ZNF831: variants seen among roughly 807,000 people sequenced by gnomAD.
ZNF831 encodes chromosome 20 open reading frame 174.
A neutral mutation model predicts 95.8 loss-of-function variants in ZNF831; 59 were observed. That is an observed-to-expected ratio of 0.62 (90% confidence interval 0.50 to 0.77). ZNF831 has a LOEUF of 0.77. ZNF831 is among the 30% of genes least tolerant of loss of function. The pLI is 0.00. For missense variants in ZNF831, 2,205 were observed against 2,164.0 expected, an observed-to-expected ratio of 1.02 and a Z score of -0.38; for synonymous variants, 961 against 925.5, an observed-to-expected ratio of 1.04 and a Z score of -0.70.
chr20:59,235,346 A>C (rs555024237), intron 4 of ZNF831, among the ~76,000 whole-genome samples: 1 of 152,262 alleles, frequency 6.6e-6, no homozygotes, highest in African/African-American at 2.4e-5. Flanking sequence ...TTTCTCTGCC[A>C]AAAGTATCTG....
upstream of ZNF831, among the ~76,000 whole-genome samples, chr20:59,159,428 G>A (rs1001556564): frequency 4.6e-5 from 7 of 152,170 alleles, no homozygotes; most frequent in Non-Finnish European, 7.3e-5. Flanking sequence ...AATCAAAAAC[G>A]GGGTGGATGC....
At chr20:59,123,889 C>G (rs1276588117) in intron 1 of ZNF831, among the ~76,000 whole-genome samples, 1 of 152,144 alleles carries the variant, frequency 6.6e-6, no homozygotes, top group Non-Finnish European at 1.5e-5. Context: ...AGAACATAAA[C>G]CAGATTAAGA....
At chr20:59,202,591 C>T (rs1460405822) in intron 3 of ZNF831, among the ~76,000 whole-genome samples, 11 of 152,066 alleles carry the variant, frequency 7.2e-5, no homozygotes, top group South Asian at 2.1e-4. Context: ...TTATGTTCCC[C>T]GGGCAGGTGG....
chr20:59,163,335 A>G (rs1259744471), upstream of ZNF831, among the ~76,000 whole-genome samples: 1 of 152,226 alleles, frequency 6.6e-6, no homozygotes, highest in Non-Finnish European at 1.5e-5. Context: ...TACTATGTTG[A>G]ATAGAGTGAT....
intron 4 of ZNF831, among the ~76,000 whole-genome samples, chr20:59,244,979 A>C (rs530312808): frequency 6.6e-5 from 10 of 152,328 alleles, no homozygotes; most frequent in Middle Eastern, 3.4e-3. Flanking sequence ...ATGGTTTTAT[A>C]CTTACTTATT....
chr20:59,214,794 T>C (rs1470991891), intron 4 of ZNF831, among the ~76,000 whole-genome samples: 7 of 152,236 alleles, frequency 4.6e-5, no homozygotes, highest in African/African-American at 1.2e-4. Flanking sequence ...TGATCTGAAA[T>C]GATTATTATT....
intron 4 of ZNF831, among the ~76,000 whole-genome samples, chr20:59,231,385 T>C (rs1986713892): frequency 6.6e-6 from 1 of 152,244 alleles, no homozygotes; most frequent in African/African-American, 2.4e-5. Context: ...TTTGTCTTCA[T>C]GCCAGAATGA....
intron 4 of ZNF831, among the ~76,000 whole-genome samples, chr20:59,228,183 G>A (rs545610913): frequency 2.8e-4 from 42 of 152,036 alleles, no homozygotes; most frequent in African/African-American, 8.2e-4. Context: ...AGCAAACCAC[G>A]CTAAAACTCA....
intron 2 of ZNF831, among the ~76,000 whole-genome samples, chr20:59,150,208 A>C (rs146948995): frequency 7.9e-4 from 121 of 152,282 alleles, no homozygotes; most frequent in Middle Eastern, 3.4e-3. Context: ...TCCTCTCAGC[A>C]AGTCTCAATT....
chr20:59,245,494 G>A (rs775314612), intron 4 of ZNF831, among the ~76,000 whole-genome samples: 1 of 152,104 alleles, frequency 6.6e-6, no homozygotes, highest in East Asian at 1.9e-4. Flanking sequence ...CTCAACCTGG[G>A]CACTGCTGAC....
chr20:59,242,316 A>G (rs1297474992), intron 4 of ZNF831, among the ~76,000 whole-genome samples: 1 of 152,240 alleles, frequency 6.6e-6, no homozygotes, highest in Admixed American at 6.5e-5. Context: ...ATTTCAAGAA[A>G]TGGGCTGTTG....
chr20:59,253,824 G>A lies in ZNF831; in HGVS notation c.4189-74G>A, dbSNP rs117971071. ...AAGACCTGTTTTCATTGAGGACCAC[G>A]TTTCTGACCACATTTTTCTTTGTAC... On this transcript the variant is annotated intron_variant, in intron 5 of 5. Transcript: ENST00000371030. 7,357 of 1,478,812 alleles carry A rather than the reference G, an allele frequency of 5.0e-3. 48 individuals are homozygous for A. The highest frequency in any genetic ancestry group is 5.7e-3 in the Non-Finnish European group (6,300 of 1,109,950). 91.6% of individuals were successfully genotyped at this position (1,478,812 alleles called of 1,614,324 possible). A position where few individuals can be genotyped will look rare whatever the true frequency, so the allele number is the denominator to read the frequency against.
At chr20:59,138,427 C>A (rs1161154404) in intron 1 of ZNF831, among the ~76,000 whole-genome samples, 1 of 152,170 alleles carries the variant, frequency 6.6e-6, no homozygotes, top group African/African-American at 2.4e-5. Context: ...CTTCTGCCAT[C>A]CTTCAGTCTC....
At chr20:59,172,466 G>A (rs1240860538) in intron 1 of ZNF831, among the ~76,000 whole-genome samples, 1 of 152,162 alleles carries the variant, frequency 6.6e-6, no homozygotes, top group African/African-American at 2.4e-5. Flanking sequence ...GGATGCGGAT[G>A]CTCCCCTCAT....
intron 4 of ZNF831, among the ~76,000 whole-genome samples, chr20:59,227,056 A>G (rs1331689142): frequency 2.0e-5 from 3 of 152,180 alleles, no homozygotes; most frequent in Non-Finnish European, 2.9e-5. Context: ...TTACAATAGC[A>G]TCCAGTGCTC....
chr20:59,128,942 G>T (rs1979262606), intron 1 of ZNF831, among the ~76,000 whole-genome samples: 1 of 151,942 alleles, frequency 6.6e-6, no homozygotes, highest in Non-Finnish European at 1.5e-5. Context: ...TTGTATTTTT[G>T]GTAGAGACGG....
intron 1 of ZNF831, among the ~76,000 whole-genome samples, chr20:59,172,606 C>T (rs1463358633): frequency 6.6e-6 from 1 of 152,160 alleles, no homozygotes; most frequent in Non-Finnish European, 1.5e-5. Flanking sequence ...CTTTAGAGCC[C>T]CTCCTCTGTG....
At chr20:59,163,538 T>C (rs553634165), upstream of ZNF831, among the ~76,000 whole-genome samples, 59 of 152,282 alleles carry the variant, frequency 3.9e-4, no homozygotes, top group African/African-American at 1.1e-3. Flanking sequence ...CAAACACTTG[T>C]TCCATCCACA....
intron 4 of ZNF831, among the ~76,000 whole-genome samples, chr20:59,224,399 G>A (rs949550733): frequency 2.6e-5 from 4 of 152,162 alleles, no homozygotes; most frequent in Non-Finnish European, 5.9e-5. Flanking sequence ...GGGTGGGGGG[G>A]CGCCTCTTCT....
Sources: allele counts gnomAD v4.1 joint callset (sites outside exome capture counted in the v4.1 genomes callset), GRCh38; gene constraint gnomAD v4.1.1; transcripts MANE v1.5; gene names NCBI Gene and HGNC (gene_info 2026-07-23, HGNC 2026-07-21).